PTGS1: variants seen among roughly 807,000 people sequenced by gnomAD.
PTGS1 encodes the protein prostaglandin-endoperoxide synthase 1.
A neutral mutation model predicts 63.0 loss-of-function variants in PTGS1; 40 were observed. The ratio of observed to expected loss-of-function variants is 0.63; its 90% confidence interval spans 0.49 to 0.83. PTGS1 has a LOEUF of 0.83. PTGS1 is among the 40% of genes least tolerant of loss of function. The pLI, the probability that PTGS1 is intolerant of heterozygous loss-of-function variation, is 0.00. For synonymous variants in PTGS1, 298 were observed against 301.9 expected, an observed-to-expected ratio of 0.99 and a Z score of 0.13; for missense variants, 709 against 786.5, an observed-to-expected ratio of 0.90 and a Z score of 1.18.
rs368538672 is a variant in PTGS1 at position 122,392,264 on chromosome 9, T to C, written c.1520T>C (p.Leu507Pro). 6 of 1,613,454 alleles carry C rather than the reference T, an allele frequency of 3.7e-6. No individual in the cohort carries two copies. Among genetic ancestry groups the C allele is most frequent in the Non-Finnish European group, 5.1e-6 (6 of 1,179,522 alleles). ...IDALEFYPGL[L>P]LEKCHPNSIF... ...GCGTTGGAGTTCTACCCTGGACTGCTTCTTGAAAAGTGCCATCCAAACTCT... is the reference window on the plus strand; with the variant it reads ...GCGTTGGAGTTCTACCCTGGACTGCCTCTTGAAAAGTGCCATCCAAACTCT... The change falls in exon 11 of 11, where the codon CTT becomes CCT. Residue 507 changes from leucine (L) to proline (P), a missense_variant. Coordinates refer to ENST00000362012, the MANE Select transcript of PTGS1 (RefSeq NM_000962.4).
At chr9:122,375,556 C>T in intron 2 of PTGS1, 1 of 901,126 alleles carries the variant, frequency 1.1e-6, no homozygotes, top group East Asian at 1.2e-4. Flanking sequence ...ATAGCCTGTG[C>T]TGGGGGAAGA....
chr9:122,373,275 G>A (rs992056124), intron 2 of PTGS1, among the ~76,000 whole-genome samples: 1 of 152,226 alleles, frequency 6.6e-6, no homozygotes, highest in Non-Finnish European at 1.5e-5. Context: ...GACTGGTGGA[G>A]TGCAGGGGCA....
chr9:122,377,130 A>G (rs1837214401), intron 2 of PTGS1, among the ~76,000 whole-genome samples: 2 of 152,130 alleles, frequency 1.3e-5, no homozygotes, highest in South Asian at 4.1e-4. Context: ...ATGGGGGCTG[A>G]GGCAGCTGAG....
In PTGS1 at chr9:122,386,554, G is replaced by A. The variant is rs757213251; in HGVS notation, c.1118G>A (p.Arg373His). 84 of 1,614,030 alleles carry A rather than the reference G, an allele frequency of 5.2e-5. No individual in the cohort carries two copies. The highest frequency in any genetic ancestry group is 7.7e-5 in the South Asian group (7 of 91,086). The change falls in exon 9 of 11, where the codon CGC (arginine) becomes CAC (histidine). Residue 373 changes from arginine (R) to histidine (H), a missense_variant. Coordinates refer to ENST00000362012, the MANE Select transcript of PTGS1 (RefSeq NM_000962.4). ...ELLFGVQFQYRNRIAMEFNHL... is the reference protein window; with the variant it reads ...ELLFGVQFQYHNRIAMEFNHL... ...CTGTTCGGTGTCCAGTTCCAATACC[G>A]CAACCGCATTGCCATGGAGTTCAAC...
At chr9:122,390,680 G>A (rs564174645) in intron 10 of PTGS1, among the ~76,000 whole-genome samples, 9 of 152,194 alleles carry the variant, frequency 5.9e-5, no homozygotes, top group East Asian at 1.9e-4. Context: ...GGTGGATCAC[G>A]AGGTCAGGAA....
intron 2 of PTGS1, among the ~76,000 whole-genome samples, chr9:122,374,512 A>G (rs1836999703): frequency 6.6e-6 from 1 of 151,800 alleles, no homozygotes; most frequent in Admixed American, 6.6e-5. Flanking sequence ...AGTATGGGGG[A>G]CTCAAAGTGA....
rs769482733 is a variant in PTGS1, at chr9:122,381,669, C to T, written c.684C>T (p.Asp228=). 2.5e-6 allele frequency: 4 copies of T among 1,614,192 alleles called. No individual in the cohort carries two copies. In the South Asian group the frequency reaches 3.3e-5, roughly 13 times the overall value. The change falls in exon 7 of 11, where the codon GAC becomes GAT. Residue 228 remains aspartate, a synonymous_variant. Coordinates refer to ENST00000362012, the MANE Select transcript of PTGS1 (RefSeq NM_000962.4). ...GAACCCCTCTCTGTCCACAGGTAGA[C>T]CTCGGCCACATTTATGGAGACAATC... ...GFTKALGHGV[D]LGHIYGDNLE...
chr9:122,383,234 G>C (rs1156653660), intron 7 of PTGS1, among the ~76,000 whole-genome samples: 1 of 145,460 alleles, frequency 6.9e-6, no homozygotes, highest in East Asian at 2.0e-4. Flanking sequence ...TTTTTGCTTG[G>C]GTGCAGTGCA....
intron 2 of PTGS1, among the ~76,000 whole-genome samples, chr9:122,373,271 T>G (rs961825069): frequency 2.0e-5 from 3 of 152,032 alleles, no homozygotes; most frequent in African/African-American, 4.8e-5. Context: ...GAATGACTGG[T>G]GGAGTGCAGG....
At chr9:122,372,061 G>C (rs10306119) in intron 2 of PTGS1, among the ~76,000 whole-genome samples, 7,102 of 152,078 alleles carry the variant, frequency 0.047, 553 homozygotes, top group African/African-American at 0.16. Context: ...TCAGCTCCTC[G>C]CTCAGCCAAC....
Position 122,390,330 on chromosome 9 carries a change from T to C in PTGS1, c.1429T>C (p.Phe477Leu). 1 of 1,614,098 alleles carries C rather than the reference T, an allele frequency of 6.2e-7. No homozygotes were observed. The highest frequency in any genetic ancestry group is 8.5e-7 in the Non-Finnish European group (1 of 1,179,974). ...KRFGMKPYTS[F>L]QELVGEKEMA... Reference sequence around the variant, plus strand: ...GTTTGGCATGAAACCCTACACCTCCTTCCAGGAGCTCGTAGGTGAGCAGCT... The same window carrying C: ...GTTTGGCATGAAACCCTACACCTCCCTCCAGGAGCTCGTAGGTGAGCAGCT... The change falls in exon 10 of 11, where the codon TTC (phenylalanine) becomes CTC (leucine). Residue 477 changes from phenylalanine to leucine, a missense_variant. Coordinates refer to ENST00000362012, the MANE Select transcript of PTGS1 (RefSeq NM_000962.4).
intron 2 of PTGS1, among the ~76,000 whole-genome samples, chr9:122,373,969 C>T (rs540435848): frequency 2.0e-5 from 3 of 152,260 alleles, no homozygotes; most frequent in East Asian, 3.9e-4. Context: ...GACACCTCTG[C>T]ATCCTGGAGG....
Position 122,378,506 on chromosome 9 carries a change from GC to G in PTGS1, c.286del (p.Arg96AlafsTer49). The G allele has an allele frequency of 6.2e-7, 1 of 1,614,204 alleles. No homozygotes were observed. The highest frequency in any genetic ancestry group is 8.5e-7 in the Non-Finnish European group (1 of 1,180,032). On this transcript the variant is annotated frameshift_variant, in exon 4 of 11. Coordinates refer to ENST00000362012, the MANE Select transcript of PTGS1 (RefSeq NM_000962.4). LOFTEE classifies it high-confidence loss of function. ...SFTHFLLTHG[R>X]WFWEFVNATF... ...TCACCCACTTCCTGCTCACTCACGG[GC>G]GCTGGTTCTGGGAGTTTGTCAATGC...
intron 9 of PTGS1, among the ~76,000 whole-genome samples, chr9:122,389,772 T>C (rs752848841): frequency 4.6e-5 from 7 of 151,936 alleles, no homozygotes; most frequent in Non-Finnish European, 8.8e-5. Flanking sequence ...CTGGGCAATA[T>C]AGTGAGACCT....
intron 2 of PTGS1, chr9:122,371,654 G>A: frequency 7.0e-7 from 1 of 1,437,378 alleles, no homozygotes. Context: ...AGGGAAATGA[G>A]TTCCCTTTCT....
chr9:122,383,823 G>A, intron 8 of PTGS1, 68 bp downstream of exon 8: 1 of 1,567,576 alleles, frequency 6.4e-7, no homozygotes, highest in East Asian at 2.3e-5. Context: ...GGGGGCGGGG[G>A]GGTACTTAGA....
rs200979811 is a variant in PTGS1 at position 122,377,890 on chromosome 9, C to T, written c.95-9C>T. The T allele has an allele frequency of 8.7e-6, 14 of 1,612,648 alleles. No individual in the cohort carries two copies. Among genetic ancestry groups the T allele is most frequent in the Non-Finnish European group, 1.2e-5 (14 of 1,178,920 alleles). On this transcript the variant is annotated splice_polypyrimidine_tract_variant and intron_variant, in intron 2 of 10. Coordinates refer to ENST00000362012, the MANE Select transcript of PTGS1 (RefSeq NM_000962.4). ...AGCATGGTCTCTGACCTCCATTTCTCACCCACAGTGAATCCCTGTTGTTAC... is the reference window on the plus strand; with the variant it reads ...AGCATGGTCTCTGACCTCCATTTCTTACCCACAGTGAATCCCTGTTGTTAC...
In PTGS1 at chr9:122,371,045, G is replaced by A. The variant is rs1222444121; in HGVS notation, c.-40G>A. ...GGGCAGTGTGCGAGGCGCACGCACA[G>A]GAGCCTGCACTCTGCGTCCCGCACC... On this transcript the variant is annotated 5_prime_UTR_variant, in exon 1 of 11. Transcript: ENST00000362012. 1 of 1,576,520 alleles carries A rather than the reference G, an allele frequency of 6.3e-7. No homozygotes were observed. The highest frequency in any genetic ancestry group is 8.6e-7 in the Non-Finnish European group (1 of 1,169,064).
Position 122,386,505 on chromosome 9 carries a change from C to A in PTGS1, c.1069C>A (p.Gln357Lys), listed in dbSNP as rs1400018778. 1 of 1,614,194 alleles carries A rather than the reference C, an allele frequency of 6.2e-7. No individual in the cohort carries two copies. The highest frequency in any genetic ancestry group is 1.7e-5 in the Admixed American group (1 of 60,020). The change falls in exon 9 of 11, where the codon CAG becomes AAG. Residue 357 changes from glutamine (Q) to lysine (K), a missense_variant. By Grantham distance (53) the Gln-to-Lys change is moderately conservative. Coordinates refer to ENST00000362012, the MANE Select transcript of PTGS1 (RefSeq NM_000962.4). Reference protein sequence around the residue: ...YVQQLSGYFLQLKFDPELLFG... With the variant: ...YVQQLSGYFLKLKFDPELLFG... The stretch of plus-strand genomic sequence containing the variant: ...GCAGCAGCTGAGTGGCTATTTCCTG[C>A]AGCTGAAATTTGACCCAGAGCTGCT...
Sources: gnomAD v4.1 joint callset for allele counts (sites outside exome capture counted in the v4.1 genomes callset) on GRCh38, gnomAD v4.1.1 for gene constraint, MANE v1.5 for transcripts, NCBI Gene and HGNC (gene_info 2026-07-23, HGNC 2026-07-21) for gene names.